ABCA13: variants seen among roughly 807,000 people sequenced by gnomAD.
ABCA13 encodes the protein ATP binding cassette subfamily A member 13.
ABCA13 carries 476 observed loss-of-function variants against 478.7 expected under a neutral mutation model. The observed-to-expected ratio is 0.99, with a 90% CI of 0.92 to 1.07. The LOEUF (loss-of-function observed/expected upper bound fraction) is 1.07, where lower values mean the gene tolerates loss of function less well. ABCA13 is among the 50% of genes least tolerant of loss of function. The pLI is 0.00. For synonymous variants in ABCA13, 2,252 were observed against 2,158.9 expected (o/e 1.04, Z -1.20); for missense variants, 6,060 against 5,910.6 (o/e 1.03, Z -0.83).
chr7:48,381,183 G>A (rs575076670), intron 35 of ABCA13, among the ~76,000 whole-genome samples: 9 of 152,180 alleles, frequency 5.9e-5, no homozygotes, highest in African/African-American at 2.2e-4. Flanking sequence ...GAGTAACAAA[G>A]TGTAGTTTCA....
Position 48,274,148 on chromosome 7 carries a change from T to A in ABCA13, c.4482T>A (p.Asn1494Lys). Residue 1494 changes from asparagine to lysine, a missense_variant, in exon 17 of 62, where the codon AAT becomes AAA. By Grantham distance (94) the Asn-to-Lys change is moderately conservative (BLOSUM62 0). Around this residue, in one of 3 missense-constraint regions of ABCA13, gnomAD observed 4,423 missense variants for 4,309.1 expected, o/e 1.03. Coordinates refer to ENST00000435803, the MANE Select transcript of ABCA13 (RefSeq NM_152701.5). The stretch of plus-strand genomic sequence containing the variant: ...TTGAGATTTTATTAGCTCTTTTAAA[T>A]GATTCCACAAAGCAAGTAAGGATGA... Reference protein sequence around the residue: ...PKFEILLALLNDSTKQVRMSI... With the variant: ...PKFEILLALLKDSTKQVRMSI... The A allele has an allele frequency of 1.9e-6, 3 of 1,609,604 alleles. No homozygotes were observed. Among genetic ancestry groups the A allele is most frequent in the Non-Finnish European group, 2.5e-6 (3 of 1,177,304 alleles).
intron 19 of ABCA13, among the ~76,000 whole-genome samples, chr7:48,283,177 A>G (rs1214903822): frequency 2.0e-5 from 3 of 152,086 alleles, no homozygotes. Flanking sequence ...ATCCACTATC[A>G]GAAGAGGAAG....
At position 48,520,163 on chromosome 7, in the gene ABCA13, C is replaced by T. The variant is rs769165172; in HGVS notation, c.13920C>T (p.Phe4640=). 2.0e-5 allele frequency: 33 copies of T among 1,613,640 alleles called. No homozygotes were observed. The highest frequency in any genetic ancestry group is 1.2e-4 in the South Asian group (11 of 91,080). The part of the protein sequence containing the change: ...NQIKYDLTHN[F]GIDSYVSPFE... Reference sequence around the variant, plus strand: ...TCAAATATGACCTGACCCACAACTTCGGCATTGATTCCTATGTGAGTCCCT... The same window carrying T: ...TCAAATATGACCTGACCCACAACTTTGGCATTGATTCCTATGTGAGTCCCT... The change falls in exon 53 of 62, where the codon TTC becomes TTT. Residue 4640 remains phenylalanine, a synonymous_variant. Coordinates refer to ENST00000435803, the MANE Select transcript of ABCA13 (RefSeq NM_152701.5).
chr7:48,298,639 A>G (rs577591017), intron 23 of ABCA13, among the ~76,000 whole-genome samples, 152 bp downstream of exon 23: 7 of 152,364 alleles, frequency 4.6e-5, no homozygotes, highest in African/African-American at 1.7e-4. Context: ...TGGAGGCAGA[A>G]AGGAAACAAG....
At chr7:48,380,953 G>A (rs1055611246) in intron 35 of ABCA13, among the ~76,000 whole-genome samples, 2 of 152,162 alleles carry the variant, frequency 1.3e-5, no homozygotes, top group African/African-American at 4.8e-5. Flanking sequence ...GCCAACTAGG[G>A]ACAGACTCTC....
intron 15 of ABCA13, among the ~76,000 whole-genome samples, chr7:48,256,597 G>T (rs1039144776): frequency 2.0e-5 from 3 of 152,018 alleles, no homozygotes; most frequent in Non-Finnish European, 4.4e-5. Flanking sequence ...GTCAAAGATC[G>T]ATGGTTTTAG....
chr7:48,303,556 A>G (rs1800467424), intron 23 of ABCA13, among the ~76,000 whole-genome samples: 1 of 152,124 alleles, frequency 6.6e-6, no homozygotes, highest in Non-Finnish European at 1.5e-5. Flanking sequence ...GCACATGGCT[A>G]GCCAGTTATC....
intron 39 of ABCA13, among the ~76,000 whole-genome samples, chr7:48,410,255 C>G (rs1458691012): frequency 6.6e-6 from 1 of 152,064 alleles, no homozygotes; most frequent in Non-Finnish European, 1.5e-5. Flanking sequence ...TGTTTTGCCC[C>G]CCAGTTTCAC....
chr7:48,522,755 C>T (rs924916030), intron 53 of ABCA13, among the ~76,000 whole-genome samples: 1 of 152,142 alleles, frequency 6.6e-6, no homozygotes, highest in African/African-American at 2.4e-5. Flanking sequence ...TGGGCCCCTC[C>T]CTAGAACTCT....
chr7:48,297,033 G>A (rs181046075), intron 21 of ABCA13, among the ~76,000 whole-genome samples, 199 bp from the exon 22 acceptor site: 1 of 152,192 alleles, frequency 6.6e-6, no homozygotes, highest in Admixed American at 6.5e-5. Context: ...AAGAAATACT[G>A]GAGTGTGGGT....
At position 48,534,467 on chromosome 7, in the gene ABCA13, AG is replaced by A. The variant is rs553230129; in HGVS notation, c.14354+6125del. 2.7e-3 allele frequency among the ~76,000 whole-genome samples: 407 copies of A among 152,154 alleles called. 2 individuals are homozygous for A. The highest frequency in any genetic ancestry group is 3.9e-3 in the Non-Finnish European group (266 of 67,988). On this transcript the variant is annotated intron_variant, in intron 55 of 61. Transcript: ENST00000435803. Reference sequence around the variant, plus strand: ...CTATGTGCTTATTTGCATGGTTTTGAGGGTTCCTTAAAACGTAGGTGATGAT... The same window carrying A: ...CTATGTGCTTATTTGCATGGTTTTGAGGTTCCTTAAAACGTAGGTGATGAT...
At chr7:48,509,497 A>G (rs1212124106) in intron 50 of ABCA13, among the ~76,000 whole-genome samples, 1 of 152,134 alleles carries the variant, frequency 6.6e-6, no homozygotes, top group Non-Finnish European at 1.5e-5. Context: ...AAACCCCAGG[A>G]TCTTCCTTCT....
At chr7:48,469,018 A>C (rs12533158) in intron 44 of ABCA13, among the ~76,000 whole-genome samples, 28,924 of 152,054 alleles carry the variant, frequency 0.19, 3,198 homozygotes, top group African/African-American at 0.31. Context: ...TACAAGGCTT[A>C]TATCTGGTGG....
intron 10 of ABCA13, among the ~76,000 whole-genome samples, chr7:48,242,078 A>G (rs1019618916): frequency 6.6e-6 from 1 of 152,174 alleles, no homozygotes; most frequent in African/African-American, 2.4e-5. Context: ...GAACAAATGC[A>G]GGGACATTGC....
In ABCA13 at chr7:48,278,322, A is replaced by C; in HGVS notation, c.7128A>C (p.Lys2376Asn). The change falls in exon 18 of 62, where the codon AAA (lysine) becomes AAC (asparagine). Residue 2376 changes from lysine (K) to asparagine (N), a missense_variant. By Grantham distance (94) the Lys-to-Asn change is moderately conservative (BLOSUM62 0). This residue lies in a region of ABCA13 where 4,423 missense variants were observed against 4,309.1 expected (regional missense o/e 1.03). Transcript: ENST00000435803. ...CCCTTCTCAGGGAAACTTCAATGAA[A>C]AATAAGACTGAAAATAATATAGACT... ...FNALLRETSM[K>N]NKTENNIDFF... 2 of 1,612,878 alleles carry C rather than the reference A, an allele frequency of 1.2e-6. No individual in the cohort carries two copies. The highest frequency in any genetic ancestry group is 1.7e-6 in the Non-Finnish European group (2 of 1,179,234).
At chr7:48,482,134 C>T (rs1377486193) in intron 46 of ABCA13, among the ~76,000 whole-genome samples, 1 of 151,698 alleles carries the variant, frequency 6.6e-6, no homozygotes, top group Non-Finnish European at 1.5e-5. Context: ...ATATAATTCC[C>T]ACCCAGGAAA....
At chr7:48,628,517 T>C (rs544204411) in intron 59 of ABCA13, among the ~76,000 whole-genome samples, 2 of 152,356 alleles carry the variant, frequency 1.3e-5, no homozygotes, top group African/African-American at 4.8e-5. Context: ...GAATGCTTTT[T>C]CTACTCTGGC....
chr7:48,372,029 C>T, intron 32 of ABCA13, 139 bp from the exon 33 acceptor site: 1 of 763,478 alleles, frequency 1.3e-6, no homozygotes, highest in Non-Finnish European at 2.1e-6. Context: ...ATGTCCTTCC[C>T]AGGGCCCTTC....
At chr7:48,395,946 C>CTG (rs1384407596) in intron 38 of ABCA13, among the ~76,000 whole-genome samples, 1 of 152,118 alleles carries the variant, frequency 6.6e-6, no homozygotes, top group Non-Finnish European at 1.5e-5. Flanking sequence ...CAAGGGTCAG[C>CTG]TGTGTGTATA....
Sources: gnomAD v4.1 joint callset for allele counts (sites outside exome capture counted in the v4.1 genomes callset) on GRCh38, gnomAD v4.1.1 for gene constraint, gnomAD v4.1.1 regional missense constraint, MANE v1.5 for transcripts, NCBI Gene and HGNC (gene_info 2026-07-23, HGNC 2026-07-21) for gene names.